The following ATP9B variants were observed in gnomAD, a reference collection of about 807,000 sequenced individuals.
ATP9B encodes the protein probable phospholipid-transporting ATPase IIB.
In ATP9B, 110 loss-of-function variants were observed where a neutral mutation model predicts 146.1. The observed-to-expected ratio is 0.75, with a 90% CI of 0.65 to 0.88. The LOEUF is 0.88. Among genes scored for constraint, ATP9B ranks in the 40% least tolerant of loss-of-function variants. The probability of loss-of-function intolerance (pLI) is 0.00; values close to 1 mark genes in which losing one functional copy is unlikely to be tolerated. For missense variants in ATP9B, 1,499 were observed against 1,496.4 expected (o/e 1.00, Z -0.03); for synonymous variants, 604 against 569.7 (o/e 1.06, Z -0.86).
chr18:79,188,593 A>AT (rs1471630528), intron 8 of ATP9B, among the ~76,000 whole-genome samples: 1 of 152,228 alleles, frequency 6.6e-6, no homozygotes, highest in Non-Finnish European at 1.5e-5. Context: ...TATCCCATTA[A>AT]TAAATAAAGA....
intron 1 of ATP9B, among the ~76,000 whole-genome samples, chr18:79,088,968 AC>A (rs2074081876): frequency 6.6e-6 from 1 of 152,296 alleles, no homozygotes; most frequent in East Asian, 1.9e-4. Flanking sequence ...TTTATCCAAG[AC>A]CGTTGGCCAT....
At chr18:79,327,435 T>C (rs1568695501) in intron 15 of ATP9B, among the ~76,000 whole-genome samples, 1 of 151,940 alleles carries the variant, frequency 6.6e-6, no homozygotes, top group Admixed American at 6.6e-5. Context: ...GAGCGTGCTC[T>C]CCATGGTTAG....
rs772299729 is a variant in ATP9B at position 79,345,497 on chromosome 18, C to T, written c.2542C>T (p.Arg848Cys). The T allele has an allele frequency of 1.8e-5, 29 of 1,613,462 alleles. No individual in the cohort carries two copies. The highest frequency in any genetic ancestry group is 2.7e-5 in the African/African-American group (2 of 75,048). ...CCAGTGCCCTGCCGTGGTTTGCTGC[C>T]GCTGCTCACCCACCCAGAAGGCCCG... ...ACQCPAVVCC[R>C]CSPTQKARIV... The change falls in exon 22 of 30, where the codon CGC becomes TGC. Residue 848 changes from arginine to cysteine, a missense_variant. Arg to Cys is a radical substitution (Grantham distance 180). Coordinates refer to ENST00000426216, the MANE Select transcript of ATP9B (RefSeq NM_198531.5).
At chr18:79,117,449 A>G (rs1374282718) in intron 4 of ATP9B, 1 of 152,318 alleles carries the variant, frequency 6.6e-6, no homozygotes, top group Non-Finnish European at 1.5e-5. Context: ...GTGACATTGG[A>G]ATGACATCTT....
At position 79,201,711 on chromosome 18, in the gene ATP9B, G is replaced by A. The variant is rs114243322; in HGVS notation, c.955-5226G>A. ...CAGCCTCCCGAGCAGTTGGGACTACGGGTGTGCGCCACCAAGCCCAGCTAA... is the reference window on the plus strand; with the variant it reads ...CAGCCTCCCGAGCAGTTGGGACTACAGGTGTGCGCCACCAAGCCCAGCTAA... On this transcript the variant is annotated intron_variant, in intron 9 of 29. Coordinates refer to ENST00000426216, the MANE Select transcript of ATP9B (RefSeq NM_198531.5). 3.6e-3 allele frequency among the ~76,000 whole-genome samples: 545 copies of A among 152,030 alleles called. 6 individuals are homozygous for A. The highest frequency in any genetic ancestry group is 0.012 in the African/African-American group (487 of 41,456).
At chr18:79,157,411 A>AAAAACAAAAAAC (rs1304595369) in intron 7 of ATP9B, among the ~76,000 whole-genome samples, 2 of 149,156 alleles carry the variant, frequency 1.3e-5, no homozygotes, top group South Asian at 2.1e-4. Context: ...AAAAAAAAAA[A>AAAAACAAAAAAC]AAAAAAAAAA....
At chr18:79,322,945 C>T (rs568582073) in intron 15 of ATP9B, among the ~76,000 whole-genome samples, 1 of 152,190 alleles carries the variant, frequency 6.6e-6, no homozygotes, top group Admixed American at 6.5e-5. Flanking sequence ...TGTTTTATGT[C>T]TTTTTTAAGT....
At chr18:79,243,120 C>T (rs2095905239) in intron 11 of ATP9B, among the ~76,000 whole-genome samples, 1 of 152,124 alleles carries the variant, frequency 6.6e-6, no homozygotes, top group African/African-American at 2.4e-5. Context: ...TGCTATTCTG[C>T]CTTAAAAATT....
intron 15 of ATP9B, among the ~76,000 whole-genome samples, chr18:79,325,262 G>T (rs1218355569): frequency 6.6e-6 from 1 of 152,138 alleles, no homozygotes; most frequent in African/African-American, 2.4e-5. Context: ...TTGAGAAAAG[G>T]TGTCTGACTC....
intron 13 of ATP9B, among the ~76,000 whole-genome samples, chr18:79,290,813 G>A (rs892177963): frequency 1.4e-4 from 22 of 152,288 alleles, no homozygotes; most frequent in African/African-American, 3.4e-4. Context: ...TGATACATCC[G>A]CTGATTATGT....
intron 1 of ATP9B, 53 bp from the exon 2 acceptor site, chr18:79,096,423 C>G (rs2074784777): frequency 3.2e-5 from 48 of 1,509,544 alleles, no homozygotes; most frequent in Non-Finnish European, 4.3e-5. Context: ...ATGAAACACA[C>G]TGTAAAGAAG....
chr18:79,293,872 ATAT>A (rs2096528682), intron 13 of ATP9B, among the ~76,000 whole-genome samples: 1 of 152,196 alleles, frequency 6.6e-6, no homozygotes, highest in African/African-American at 2.4e-5. Flanking sequence ...AAATGCGCAG[ATAT>A]TATATTCAGT....
At chr18:79,176,693 C>A in intron 7 of ATP9B, 120 bp from the exon 8 acceptor site, 2 of 745,592 alleles carry the variant, frequency 2.7e-6, no homozygotes, top group Non-Finnish European at 2.2e-6. Flanking sequence ...CTGGGAATAT[C>A]TAGATTGTTA....
At chr18:79,340,024 C>A (rs1389213197) in intron 19 of ATP9B, among the ~76,000 whole-genome samples, 1 of 152,106 alleles carries the variant, frequency 6.6e-6, no homozygotes, top group Non-Finnish European at 1.5e-5. Flanking sequence ...GGGATCCCAG[C>A]TACTCAGGAG....
At chr18:79,283,223 C>G (rs990173074) in intron 13 of ATP9B, among the ~76,000 whole-genome samples, 1 of 152,190 alleles carries the variant, frequency 6.6e-6, no homozygotes, top group Non-Finnish European at 1.5e-5. Flanking sequence ...GGGCCTCAGT[C>G]ACAGCAGAGG....
intron 2 of ATP9B, among the ~76,000 whole-genome samples, chr18:79,100,019 G>C (rs1188745563): frequency 6.6e-6 from 1 of 152,080 alleles, no homozygotes; most frequent in Non-Finnish European, 1.5e-5. Flanking sequence ...CAGCTATGCG[G>C]GAGGCTGAGG....
intron 13 of ATP9B, among the ~76,000 whole-genome samples, chr18:79,285,337 A>G (rs2096426125): frequency 6.6e-6 from 1 of 151,992 alleles, no homozygotes; most frequent in South Asian, 2.1e-4. Context: ...ATGGTATCTC[A>G]TTGTGGTTTT....
At chr18:79,356,887 G>C (rs2147780761) in intron 25 of ATP9B, among the ~76,000 whole-genome samples, 1 of 46,500 alleles carries the variant, frequency 2.2e-5, no homozygotes, top group Non-Finnish European at 4.8e-5. Flanking sequence ...GGGATGCTCT[G>C]GGTCTGGAGG....
intron 11 of ATP9B, among the ~76,000 whole-genome samples, chr18:79,238,621 T>C (rs1218447572): frequency 6.6e-6 from 1 of 152,216 alleles, no homozygotes; most frequent in African/African-American, 2.4e-5. Context: ...TTCGCCATGG[T>C]GGGCCCTGCT....
Sources: gnomAD v4.1 joint callset for allele counts (sites outside exome capture counted in the v4.1 genomes callset) on GRCh38, gnomAD v4.1.1 for gene constraint, MANE v1.5 for transcripts, NCBI Gene and HGNC (gene_info 2026-07-23, HGNC 2026-07-21) for gene names.